PICALM: variants seen among roughly 807,000 people sequenced by gnomAD.
The protein encoded by PICALM is phosphatidylinositol-binding clathrin assembly protein.
Under a neutral mutation model 80.5 loss-of-function variants are expected in PICALM, and 40 were observed. The ratio of observed to expected loss-of-function variants is 0.50; its 90% confidence interval spans 0.39 to 0.65. The LOEUF (loss-of-function observed/expected upper bound fraction) is 0.65, where lower values mean the gene tolerates loss of function less well. Among genes scored for constraint, PICALM ranks in the 30% least tolerant of loss-of-function variants. The pLI, the probability that PICALM is intolerant of heterozygous loss-of-function variation, is 0.00. For synonymous variants in PICALM, 288 were observed against 260.3 expected (o/e 1.11, Z -1.02); for missense variants, 676 against 778.9 (o/e 0.87, Z 1.57).
intron 19 of PICALM, among the ~76,000 whole-genome samples, chr11:85,967,990 A>G (rs879269544): frequency 1.3e-5 from 2 of 152,154 alleles, no homozygotes; most frequent in Non-Finnish European, 2.9e-5. Context: ...TCCTCCATAA[A>G]CAAAACTGGC....
intron 8 of PICALM, chr11:86,003,917 T>C (rs1396743816): frequency 3.3e-5 from 5 of 152,530 alleles, no homozygotes; most frequent in Admixed American, 3.3e-4. Flanking sequence ...TTTCACTTAC[T>C]ACAATGACTA....
At chr11:85,989,011 C>G (rs899858377) in intron 13 of PICALM, among the ~76,000 whole-genome samples, 2 of 152,190 alleles carry the variant, frequency 1.3e-5, no homozygotes, top group South Asian at 4.1e-4. Flanking sequence ...AAGACCACGA[C>G]TCTCCTTTAT....
chr11:86,053,232 C>G (rs1017115767), intron 1 of PICALM, among the ~76,000 whole-genome samples: 12 of 152,246 alleles, frequency 7.9e-5, no homozygotes, highest in African/African-American at 2.9e-4. Flanking sequence ...TATGTTAAAA[C>G]TGCAACCTAA....
chr11:86,061,105 G>A (rs548901684), intron 1 of PICALM, among the ~76,000 whole-genome samples: 1 of 152,126 alleles, frequency 6.6e-6, no homozygotes, highest in African/African-American at 2.4e-5. Context: ...GAAGCAGGCG[G>A]ATCACCTGAG....
intron 1 of PICALM, among the ~76,000 whole-genome samples, chr11:86,041,435 G>A (rs1366586062): frequency 6.6e-6 from 1 of 152,058 alleles, no homozygotes; most frequent in East Asian, 1.9e-4. Flanking sequence ...TTCAAGAACG[G>A]AACACAGAAG....
rs750315396 is a variant in PICALM at position 86,002,253 on chromosome 11, T to C, written c.894-1095A>G. Among the ~76,000 whole-genome samples, 4 of 152,324 alleles carry C rather than the reference T, an allele frequency of 2.6e-5. No homozygotes were observed. In the East Asian group the frequency reaches 7.7e-4, roughly 29 times the overall value. ...CAAAGTACAAATCTAGGATTAAAAA[T>C]GAGTACTAAAATCCAATAACGGCAT... On this transcript the variant is annotated intron_variant, in intron 9 of 19. Transcript: ENST00000393346.
At chr11:86,050,264 C>CT (rs376511689) in intron 1 of PICALM, among the ~76,000 whole-genome samples, 1 of 148,932 alleles carries the variant, frequency 6.7e-6, no homozygotes, top group African/African-American at 2.5e-5. Context: ...TCACAAAAGG[C>CT]CCCCCCAAAA....
chr11:85,970,873 A>G (rs10501603), intron 19 of PICALM, among the ~76,000 whole-genome samples: 25,191 of 152,144 alleles, frequency 0.17, 2,675 homozygotes, highest in Middle Eastern at 0.24. Flanking sequence ...ACTGCCTACA[A>G]AAGATTGTTC....
At position 86,015,887 on chromosome 11, in the gene PICALM, C is replaced by T. The variant is rs543406625; in HGVS notation, c.453-924G>A. On this transcript the variant is annotated intron_variant, in intron 4 of 19. Coordinates refer to ENST00000393346, the MANE Select transcript of PICALM (RefSeq NM_007166.4). ...ATAAACCATGAACTATGACCTCAGA[C>T]GCCAAAAAACAATTAAGCTATAAAA... 9.2e-5 allele frequency among the ~76,000 whole-genome samples: 14 copies of T among 152,260 alleles called. No individual in the cohort carries two copies. The South Asian group carries it at 1.7e-3, about 18-fold the overall frequency.
intron 19 of PICALM, among the ~76,000 whole-genome samples, chr11:85,962,978 A>T (rs1224407929): frequency 6.6e-6 from 1 of 152,216 alleles, no homozygotes; most frequent in Non-Finnish European, 1.5e-5. Flanking sequence ...GTGCTTCAGT[A>T]GCCCAATTAC....
At chr11:85,991,253 G>C (rs2094766561) in intron 12 of PICALM, among the ~76,000 whole-genome samples, 1 of 152,066 alleles carries the variant, frequency 6.6e-6, no homozygotes, top group Non-Finnish European at 1.5e-5. Flanking sequence ...AGCAAAAATA[G>C]TATAATTTTT....
At chr11:86,031,677 C>T (rs1275092622) in intron 1 of PICALM, 66 bp from the exon 2 acceptor site, 5 of 1,176,032 alleles carry the variant, frequency 4.3e-6, no homozygotes, top group Admixed American at 2.1e-5. Flanking sequence ...AATACCAGAT[C>T]TGCATACAAA....
chr11:86,018,406 G>C (rs1275990114), intron 4 of PICALM, among the ~76,000 whole-genome samples: 20 of 152,004 alleles, frequency 1.3e-4, no homozygotes, highest in Non-Finnish European at 1.2e-4. Context: ...GGATAATTTG[G>C]TGTTTTGTAT....
rs1412712498 is a variant in PICALM, at chr11:85,958,078, T to G, written c.*968A>C. The G allele has an allele frequency of 4.4e-6, 1 of 225,790 alleles. No individual in the cohort carries two copies. Among genetic ancestry groups the G allele is most frequent in the East Asian group, 6.4e-5 (1 of 15,598 alleles). The allele number at this position is 225,790 out of a possible 1,614,324, so 14.0% of individuals were successfully genotyped here. A position where few individuals can be genotyped will look rare whatever the true frequency, so the allele number is the denominator to read the frequency against. ...GTTTTAGTGAAAAGAAGGAAAGTCTTGAAGTGAAAGCAATTCCTCACATTC... is the reference window on the plus strand; with the variant it reads ...GTTTTAGTGAAAAGAAGGAAAGTCTGGAAGTGAAAGCAATTCCTCACATTC... On this transcript the variant is annotated 3_prime_UTR_variant, in exon 20 of 20. Coordinates refer to ENST00000393346, the MANE Select transcript of PICALM (RefSeq NM_007166.4).
chr11:86,024,155 A>G (rs1342606079), intron 3 of PICALM, among the ~76,000 whole-genome samples: 2 of 151,998 alleles, frequency 1.3e-5, no homozygotes, highest in Non-Finnish European at 2.9e-5. Context: ...CAACAGAACC[A>G]GATCCTGTCT....
chr11:86,038,720 C>CAGG (rs10646754), intron 1 of PICALM, among the ~76,000 whole-genome samples: 1 of 150,760 alleles, frequency 6.6e-6, no homozygotes, highest in Non-Finnish European at 1.5e-5. Context: ...GCGGAGGTTG[C>CAGG]GAGCTGAGAT....
At chr11:85,981,466 G>C (rs2094440550) in intron 16 of PICALM, among the ~76,000 whole-genome samples, 2 of 152,086 alleles carry the variant, frequency 1.3e-5, no homozygotes, top group African/African-American at 4.8e-5. Flanking sequence ...AAATTAGCCA[G>C]GCATGGTGGT....
intron 1 of PICALM, among the ~76,000 whole-genome samples, chr11:86,065,730 A>C (rs1407488302): frequency 6.6e-6 from 1 of 152,226 alleles, no homozygotes; most frequent in Non-Finnish European, 1.5e-5. Flanking sequence ...ACTCTTTCAC[A>C]CTAGGGATGC....
intron 7 of PICALM, 52 bp from the exon 8 acceptor site, chr11:86,007,635 T>A (rs1454376228): frequency 1.2e-6 from 1 of 839,344 alleles, no homozygotes; most frequent in South Asian, 2.4e-5. Flanking sequence ...ATTTTATAAA[T>A]AAAATTTGGA....
Sources: gnomAD v4.1 joint callset for allele counts (sites outside exome capture counted in the v4.1 genomes callset) on GRCh38, gnomAD v4.1.1 for gene constraint, MANE v1.5 for transcripts, NCBI Gene and HGNC (gene_info 2026-07-23, HGNC 2026-07-21) for gene names.